The following MEGF10 variants were observed in gnomAD, a reference collection of about 807,000 sequenced individuals.
MEGF10 encodes multiple epidermal growth factor-like domains protein 10.
Under a neutral mutation model 147.5 loss-of-function variants are expected in MEGF10, and 86 were observed. That is an observed-to-expected ratio of 0.58 (90% CI 0.49 to 0.70). The LOEUF (loss-of-function observed/expected upper bound fraction) is 0.70. Ranked by LOEUF, MEGF10 falls within the 30% of genes least tolerant of loss-of-function variation. The pLI is 0.00. For synonymous variants in MEGF10, 478 were observed against 525.5 expected (o/e 0.91, Z 1.24); for missense variants, 1,329 against 1,487.3 (o/e 0.89, Z 1.75).
chr5:127,246,536 T>C, the MEGF10 span, among the ~76,000 whole-genome samples: 1 of 151,648 alleles, frequency 6.6e-6, no homozygotes, highest in East Asian at 1.9e-4. Context: ...CAAATTACCA[T>C]GGCACATGTA....
At chr5:127,264,589 T>C in the MEGF10 span, among the ~76,000 whole-genome samples, 1 of 152,142 alleles carries the variant, frequency 6.6e-6, no homozygotes, top group African/African-American at 2.4e-5. Flanking sequence ...TGCTTTTCTC[T>C]ATGTTGCACT....
chr5:127,344,474 T>C (rs1761799688), intron 4 of MEGF10, among the ~76,000 whole-genome samples: 1 of 152,184 alleles, frequency 6.6e-6, no homozygotes, highest in Non-Finnish European at 1.5e-5. Flanking sequence ...CAGATATTTA[T>C]GCTGAACAGA....
At chr5:127,315,604 G>A (rs750807176) in intron 1 of MEGF10, among the ~76,000 whole-genome samples, 10 of 151,984 alleles carry the variant, frequency 6.6e-5, no homozygotes, top group Non-Finnish European at 1.0e-4. Flanking sequence ...GATGAGACCC[G>A]TCTCTACAAA....
chr5:127,247,395 GAAGAAGAAGAAGAA>G, the MEGF10 span, among the ~76,000 whole-genome samples: 2 of 41,872 alleles, frequency 4.8e-5, no homozygotes, highest in Non-Finnish European at 9.6e-5. Context: ...AGAAGAAGAA[GAAGAAGAAGAAGAA>G]GAAGAAGAAG....
intron 7 of MEGF10, among the ~76,000 whole-genome samples, chr5:127,399,646 T>C (rs1013284904): frequency 6.6e-6 from 1 of 152,218 alleles, no homozygotes; most frequent in Non-Finnish European, 1.5e-5. Context: ...CCTTCTGTTC[T>C]CATTCAGCTT....
intron 1 of MEGF10, among the ~76,000 whole-genome samples, chr5:127,307,846 T>A (rs1484677516): frequency 1.3e-5 from 2 of 152,242 alleles, no homozygotes; most frequent in African/African-American, 4.8e-5. Context: ...GAGACCCTGA[T>A]GGCACAGAGC....
the MEGF10 span, among the ~76,000 whole-genome samples, chr5:127,264,729 G>T: frequency 6.6e-6 from 1 of 152,052 alleles, no homozygotes; most frequent in South Asian, 2.1e-4. Flanking sequence ...CTAAATACAT[G>T]ATAAAAACAA....
intron 2 of MEGF10, among the ~76,000 whole-genome samples, chr5:127,332,629 T>G (rs959003703): frequency 6.6e-6 from 1 of 152,182 alleles, no homozygotes; most frequent in Non-Finnish European, 1.5e-5. Flanking sequence ...TATGAAACTT[T>G]AAGCTGCAGA....
the MEGF10 span, among the ~76,000 whole-genome samples, chr5:127,237,670 G>T: frequency 6.6e-6 from 1 of 152,178 alleles, no homozygotes; most frequent in Non-Finnish European, 1.5e-5. Flanking sequence ...GCAGGAAGAA[G>T]CCCAGACGGG....
chr5:127,287,526 A>T (rs572442936), upstream of MEGF10, among the ~76,000 whole-genome samples: 20 of 152,132 alleles, frequency 1.3e-4, no homozygotes, highest in East Asian at 9.6e-4. Flanking sequence ...TTCATTTTTT[A>T]AATTGTGTGT....
At position 127,415,918 on chromosome 5, in the gene MEGF10, G is replaced by A. The variant is rs544289198; in HGVS notation, c.1131-1720G>A. 5.3e-3 allele frequency among the ~76,000 whole-genome samples: 717 copies of A among 135,456 alleles called. 8 individuals are homozygous for A. The Middle Eastern group carries it at 0.063, about 12-fold the overall frequency. The allele number at this position is 135,456 out of a possible 152,430, so 88.9% of individuals were successfully genotyped here. On this transcript the variant is annotated intron_variant, in intron 9 of 24. Coordinates refer to ENST00000503335, the MANE Select transcript of MEGF10 (RefSeq NM_001256545.2). ...TCTCAAAAAAAAAAAAAAAAAAAAA[G>A]AATAACTTCTAGATAAACTAAGTGA...
intron 4 of MEGF10, among the ~76,000 whole-genome samples, chr5:127,349,697 T>G (rs1472919462): frequency 6.6e-6 from 1 of 152,110 alleles, no homozygotes; most frequent in Admixed American, 6.6e-5. Context: ...TTTTTTTGTT[T>G]TTTTTAGGCT....
chr5:127,448,262 C>T (rs567550199), intron 21 of MEGF10, among the ~76,000 whole-genome samples: 1 of 152,306 alleles, frequency 6.6e-6, no homozygotes, highest in Non-Finnish European at 1.5e-5. Context: ...CCAAGCATTT[C>T]TAATCACTTA....
intron 1 of MEGF10, among the ~76,000 whole-genome samples, chr5:127,309,863 A>G (rs1014558664): frequency 5.9e-5 from 9 of 152,064 alleles, no homozygotes; most frequent in African/African-American, 1.9e-4. Context: ...AGGAATCACC[A>G]TACTGTTTTT....
intron 5 of MEGF10, among the ~76,000 whole-genome samples, chr5:127,390,678 C>T: frequency 6.6e-6 from 1 of 152,228 alleles, no homozygotes; most frequent in African/African-American, 2.4e-5. Context: ...TTTAATTAAT[C>T]GATAGTATTC....
chr5:127,282,689 T>C, the MEGF10 span, among the ~76,000 whole-genome samples: 1 of 152,224 alleles, frequency 6.6e-6, no homozygotes, highest in African/African-American at 2.4e-5. Context: ...TTCCCAGTGG[T>C]ATCCTCTTTT....
At chr5:127,382,681 A>G (rs1185612568) in intron 5 of MEGF10, among the ~76,000 whole-genome samples, 1 of 152,208 alleles carries the variant, frequency 6.6e-6, no homozygotes, top group Admixed American at 6.5e-5. Context: ...GATTAGGAAA[A>G]TATTTTTGCC....
At chr5:127,264,563 CTCTG>C in the MEGF10 span, among the ~76,000 whole-genome samples, 17 of 152,206 alleles carry the variant, frequency 1.1e-4, no homozygotes, top group Admixed American at 3.3e-4. Flanking sequence ...AACTCCTTCT[CTCTG>C]TGTCTTCGTT....
At chr5:127,377,188 A>G (rs964888312) in intron 5 of MEGF10, among the ~76,000 whole-genome samples, 2 of 152,202 alleles carry the variant, frequency 1.3e-5, no homozygotes, top group African/African-American at 2.4e-5. Flanking sequence ...ATGTATATGC[A>G]ACTCCTGAGA....
Sources: allele counts gnomAD v4.1 joint callset (sites outside exome capture counted in the v4.1 genomes callset), GRCh38; gene constraint gnomAD v4.1.1; transcripts MANE v1.5; gene names NCBI Gene and HGNC (gene_info 2026-07-23, HGNC 2026-07-21).